CELF5: variants seen among roughly 807,000 people sequenced by gnomAD.
CELF5 encodes the protein CUG-BP and ETR-3 like factor 5.
A neutral mutation model predicts 54.9 loss-of-function variants in CELF5; 6 were observed. That is an observed-to-expected ratio of 0.11 (90% CI 0.06 to 0.22). CELF5 has a LOEUF of 0.22. Ranked by LOEUF, CELF5 falls within the 10% of genes least tolerant of loss-of-function variation. The probability of loss-of-function intolerance (pLI) is 1.00; values close to 1 mark genes in which losing one functional copy is unlikely to be tolerated. For missense variants in CELF5, 401 were observed against 678.6 expected, an observed-to-expected ratio of 0.59 and a Z score of 4.54; for synonymous variants, 271 against 290.9, an observed-to-expected ratio of 0.93 and a Z score of 0.70.
chr19:3,229,747 A>C (rs312065), intron 1 of CELF5, among the ~76,000 whole-genome samples: 17,495 of 152,172 alleles, frequency 0.11, 1,679 homozygotes, highest in East Asian at 0.44. Flanking sequence ...GGCTTGTTAC[A>C]TGACTACGCT....
At chr19:3,255,623 TCTGTGTTCTC>T (rs1415642159) in intron 2 of CELF5, among the ~76,000 whole-genome samples, 2 of 152,122 alleles carry the variant, frequency 1.3e-5, no homozygotes, top group African/African-American at 2.4e-5. Flanking sequence ...TGCTTCCACC[TCTGTGTTCTC>T]CTGAGTTCAA....
intron 4 of CELF5, 62 bp from the exon 5 acceptor site, chr19:3,277,969 C>T (rs2080083496): frequency 5.2e-6 from 7 of 1,335,418 alleles, no homozygotes; most frequent in Non-Finnish European, 6.4e-6. Context: ...TCTCCTGTGG[C>T]CCCCGCTCAG....
Position 3,268,324 on chromosome 19 carries a change from G to T in CELF5, c.343-5548G>T, listed in dbSNP as rs2079911816. Among the ~76,000 whole-genome samples the T allele has an allele frequency of 6.6e-6, 1 of 152,162 alleles. No individual in the cohort carries two copies. Among genetic ancestry groups the T allele is most frequent in the South Asian group, 2.1e-4 (1 of 4,820 alleles). Reference sequence around the variant, plus strand: ...ACCCGGCACCTAGAAGTGTTTGGAGGACTCTGTAAGGTGAGGCCTGTCAGG... The same window carrying T: ...ACCCGGCACCTAGAAGTGTTTGGAGTACTCTGTAAGGTGAGGCCTGTCAGG... On this transcript the variant is annotated intron_variant, in intron 2 of 12. Coordinates refer to ENST00000292672, the MANE Select transcript of CELF5 (RefSeq NM_021938.4). This position sits in a 1 kb window ranked among gnomAD's most constrained non-coding sequence, Gnocchi z 4.4.
intron 2 of CELF5, among the ~76,000 whole-genome samples, chr19:3,262,699 C>A (rs2079821764): frequency 6.6e-6 from 1 of 152,094 alleles, no homozygotes; most frequent in Admixed American, 6.6e-5. Flanking sequence ...TCCTGTAATC[C>A]CAGCACTTTG....
At chr19:3,226,228 G>A (rs976803318) in intron 1 of CELF5, among the ~76,000 whole-genome samples, 1 of 151,728 alleles carries the variant, frequency 6.6e-6, no homozygotes, top group Non-Finnish European at 1.5e-5. Flanking sequence ...AGCGCTGCGT[G>A]CCCGGTAAGC....
intron 2 of CELF5, among the ~76,000 whole-genome samples, chr19:3,252,963 A>T (rs536507876): frequency 1.8e-4 from 28 of 152,094 alleles, no homozygotes; most frequent in Admixed American, 2.6e-4. Context: ...GAAAGATGGC[A>T]TGGAAGGGCA....
intron 11 of CELF5, 149 bp from the exon 12 acceptor site, chr19:3,293,170 G>A (rs2080379252): frequency 9.9e-7 from 1 of 1,014,662 alleles, no homozygotes; most frequent in African/African-American, 1.6e-5. Flanking sequence ...GGGCTGCTGT[G>A]TGTCCTCCAC....
chr19:3,274,248 A>G (rs2080012529), intron 3 of CELF5, among the ~76,000 whole-genome samples: 1 of 152,092 alleles, frequency 6.6e-6, no homozygotes, highest in Non-Finnish European at 1.5e-5. Flanking sequence ...GGCTTCAGAC[A>G]CAGACAATGG....
chr19:3,280,596 C>T lies in CELF5; in HGVS notation c.604-603C>T, dbSNP rs1320747685. On this transcript the variant is annotated intron_variant, in intron 5 of 12. Transcript: ENST00000292672. ...GTCTCAAAACAAAACAAAAAAAATC[C>T]GGGTCCGAACTGCCTGCTAGCTCCA... Among the ~76,000 whole-genome samples, 7 of 152,056 alleles carry T rather than the reference C, an allele frequency of 4.6e-5. No individual in the cohort carries two copies. In the South Asian group the frequency reaches 6.2e-4, roughly 14 times the overall value.
intron 9 of CELF5, 94 bp downstream of exon 9, chr19:3,285,058 G>A (rs1469060607): frequency 1.5e-5 from 14 of 919,004 alleles, no homozygotes; most frequent in Non-Finnish European, 2.2e-5. Flanking sequence ...TCGTTCTTCT[G>A]TGCCTAGCCG....
intron 1 of CELF5, among the ~76,000 whole-genome samples, chr19:3,245,355 C>T (rs1261283009): frequency 8.0e-6 from 1 of 125,008 alleles, no homozygotes; most frequent in Admixed American, 8.2e-5. Context: ...TGTGTGCATG[C>T]ATCTGTGTGT....
In CELF5 at chr19:3,281,006, G is replaced by C. The variant is rs561902376; in HGVS notation, c.604-193G>C. On this transcript the variant is annotated intron_variant, in intron 5 of 12. Transcript: ENST00000292672. This position sits in a 1 kb window ranked among gnomAD's most constrained non-coding sequence, Gnocchi z 6.5. ...CGCTGCACCTGTGCAGATGCTGCTGGGCCCAGGATGCTGATCTCCACGCGG... is the reference window on the plus strand; with the variant it reads ...CGCTGCACCTGTGCAGATGCTGCTGCGCCCAGGATGCTGATCTCCACGCGG... Among the ~76,000 whole-genome samples the C allele has an allele frequency of 6.6e-6, 1 of 152,164 alleles. No individual in the cohort carries two copies. Among genetic ancestry groups the C allele is most frequent in the Non-Finnish European group, 1.5e-5 (1 of 68,020 alleles).
intron 1 of CELF5, among the ~76,000 whole-genome samples, chr19:3,249,784 G>C (rs2079622827): frequency 6.6e-6 from 1 of 152,182 alleles, no homozygotes; most frequent in Non-Finnish European, 1.5e-5. Context: ...GCCCAGAGAG[G>C]GGGAGCGCAT....
At chr19:3,294,040 C>G (rs1454498935) in intron 12 of CELF5, 1 of 152,304 alleles carries the variant, frequency 6.6e-6, no homozygotes, top group Admixed American at 6.5e-5. Flanking sequence ...ACTAGTTCCC[C>G]TGGGACAAGC....
chr19:3,283,387 G>A (rs972910863), intron 8 of CELF5, among the ~76,000 whole-genome samples: 15 of 152,064 alleles, frequency 9.9e-5, no homozygotes, highest in African/African-American at 3.1e-4. Flanking sequence ...GTCTCACTGT[G>A]TCACTCAGGC....
At chr19:3,289,335 C>G (rs1007467274) in intron 10 of CELF5, among the ~76,000 whole-genome samples, 1 of 152,050 alleles carries the variant, frequency 6.6e-6, no homozygotes, top group Admixed American at 6.6e-5. Context: ...GAAGGAGGAT[C>G]GGTTGAGCCC....
chr19:3,232,171 C>A (rs1423565716), intron 1 of CELF5, among the ~76,000 whole-genome samples: 3 of 152,122 alleles, frequency 2.0e-5, no homozygotes, highest in Non-Finnish European at 2.9e-5. Context: ...CTGAAAAAGT[C>A]ACCTCATCTT....
intron 12 of CELF5, chr19:3,294,917 C>A (rs1330178032): frequency 6.6e-6 from 1 of 152,208 alleles, no homozygotes; most frequent in African/African-American, 2.4e-5. Flanking sequence ...GGGATCTGTT[C>A]TTTTGGAAAA....
Position 3,281,139 on chromosome 19 carries a change from C to T in CELF5, c.604-60C>T. On this transcript the variant is annotated intron_variant, in intron 5 of 12. Transcript: ENST00000292672. This position sits in a 1 kb window ranked among gnomAD's most constrained non-coding sequence, Gnocchi z 6.5. ...GCCTGAGCTAACATGAATCCAGGGA[C>T]CCCAGAGTCCTGGCTACCTCCCAGC... 1.3e-6 allele frequency: 2 copies of T among 1,567,210 alleles called. No individual in the cohort carries two copies. Among genetic ancestry groups the T allele is most frequent in the Non-Finnish European group, 8.7e-7 (1 of 1,154,682 alleles).
Sources: allele counts gnomAD v4.1 joint callset (sites outside exome capture counted in the v4.1 genomes callset), GRCh38; gene constraint gnomAD v4.1.1; non-coding constraint Gnocchi (gnomAD v3.1); transcripts MANE v1.5; gene names NCBI Gene and HGNC (gene_info 2026-07-23, HGNC 2026-07-21).